GFM2: variants seen among roughly 807,000 people sequenced by gnomAD.
GFM2 encodes GTP dependent ribosome recycling factor mitochondrial 2.
Under a neutral mutation model 95.4 loss-of-function variants are expected in GFM2, and 72 were observed. The observed-to-expected ratio is 0.76, with a 90% CI of 0.62 to 0.92. GFM2 has a LOEUF of 0.92. GFM2 is among the 40% of genes least tolerant of loss of function. The pLI is 0.00. For synonymous variants in GFM2, 276 were observed against 317.5 expected, an observed-to-expected ratio of 0.87 and a Z score of 1.39; for missense variants, 825 against 924.1, an observed-to-expected ratio of 0.89 and a Z score of 1.39.
At position 74,721,487 on chromosome 5, in the gene GFM2, CGGGT is replaced by C; in HGVS notation, c.*164_*167del. On this transcript the variant is annotated 3_prime_UTR_variant, in exon 21 of 21. Coordinates refer to ENST00000296805, the MANE Select transcript of GFM2 (RefSeq NM_032380.5). ...ACATTTCTCATTATATAAATTAAAA[CGGGT>C]GGCTCCAGTGCCACTATCAAAGCTT... 1 of 763,236 alleles carries C rather than the reference CGGGT, an allele frequency of 1.3e-6. No homozygotes were observed. The highest frequency in any genetic ancestry group is 2.2e-6 in the Non-Finnish European group (1 of 450,830). 47.3% of individuals were successfully genotyped at this position (763,236 alleles called of 1,614,324 possible).
In GFM2 at chr5:74,721,724, T is replaced by C. The variant is rs1749892506; in HGVS notation, c.2271A>G (p.Leu757=). Residue 757 remains leucine (L), a synonymous_variant, in exon 21 of 21, where the codon CTA becomes CTG. Coordinates refer to ENST00000296805, the MANE Select transcript of GFM2 (RefSeq NM_032380.5). ...TSGSATFALE[L]STYQAMNPQD... ...GAGGATTCATGGCTTGATAAGTAGA[T>C]AGTTCTAAGGCAAAAGTAGCTGAGC... 2.5e-6 allele frequency: 4 copies of C among 1,613,764 alleles called. No homozygotes were observed. Among genetic ancestry groups the C allele is most frequent in the African/African-American group, 1.3e-5 (1 of 75,040 alleles).
In GFM2 at chr5:74,736,991, A is replaced by T; in HGVS notation, c.1321-6T>A. 4.3e-6 allele frequency: 7 copies of T among 1,612,770 alleles called. No individual in the cohort carries two copies. Among genetic ancestry groups the T allele is most frequent in the Non-Finnish European group, 5.9e-6 (7 of 1,179,492 alleles). ...ATGGTGTCTCCAGTGGCAGTCTGCA[A>T]GCAAACAAGATGACTTGGAACGAAA... On this transcript the variant is annotated splice_polypyrimidine_tract_variant and splice_region_variant and intron_variant, in intron 14 of 20. Coordinates refer to ENST00000296805, the MANE Select transcript of GFM2 (RefSeq NM_032380.5).
Position 74,733,079 on chromosome 5 carries a change from T to C in GFM2, c.1530A>G (p.Lys510=). ...AACTGGGATCTTCACGCTGAAGACATTTCAACGCATGTTCCAAATCTATGG... is the reference window on the plus strand; with the variant it reads ...AACTGGGATCTTCACGCTGAAGACACTTCAACGCATGTTCCAAATCTATGG... The part of the protein sequence containing the change: ...SKQPDLEHAL[K]CLQREDPSLK... The change falls in exon 16 of 21, where the codon AAA becomes AAG. Residue 510 remains lysine, a synonymous_variant. Transcript: ENST00000296805. 6.2e-7 allele frequency: 1 copy of C among 1,611,570 alleles called. No individual in the cohort carries two copies. The highest frequency in any genetic ancestry group is 8.5e-7 in the Non-Finnish European group (1 of 1,177,808).
At chr5:74,747,870 A>G in intron 7 of GFM2, 90 bp from the exon 8 acceptor site, 1 of 691,742 alleles carries the variant, frequency 1.4e-6, no homozygotes, top group East Asian at 2.7e-5. Flanking sequence ...ATCTACTGTC[A>G]GATAAATTGG....
chr5:74,760,833 G>A, intron 3 of GFM2, 69 bp downstream of exon 3: 2 of 1,016,862 alleles, frequency 2.0e-6, no homozygotes, highest in Non-Finnish European at 3.0e-6. Context: ...GGAGATTCTT[G>A]CAAACAAGAG....
intron 7 of GFM2, among the ~76,000 whole-genome samples, chr5:74,748,950 AAAT>A (rs1347581072): frequency 6.7e-6 from 1 of 148,558 alleles, no homozygotes; most frequent in Non-Finnish European, 1.5e-5. Context: ...AAATAAAATA[AAAT>A]AAAATAAAAT....
At chr5:74,722,062 G>A (rs987672288) in intron 20 of GFM2, among the ~76,000 whole-genome samples, 4 of 152,152 alleles carry the variant, frequency 2.6e-5, no homozygotes, top group Admixed American at 6.5e-5. Context: ...AGAGGCTGAC[G>A]GGAGAAGAAT....
intron 10 of GFM2, among the ~76,000 whole-genome samples, chr5:74,743,657 T>C (rs191531421): frequency 2.5e-4 from 38 of 152,334 alleles, no homozygotes; most frequent in Admixed American, 2.2e-3. Context: ...AGCTCTTCTG[T>C]ATTAAAACAA....
At chr5:74,759,458 A>G in intron 3 of GFM2, 32 bp from the exon 4 acceptor site, 1 of 1,163,924 alleles carries the variant, frequency 8.6e-7, no homozygotes, top group Non-Finnish European at 1.3e-6. Flanking sequence ...TTGAACTGTT[A>G]CATTTATGAA....
At chr5:74,765,932 G>A (rs1744564765) in intron 1 of GFM2, among the ~76,000 whole-genome samples, 1 of 152,178 alleles carries the variant, frequency 6.6e-6, no homozygotes, top group African/African-American at 2.4e-5. Context: ...CCGGGAGGCA[G>A]AGGTTGCAGT....
Position 74,749,941 on chromosome 5 carries a change from A to T in GFM2, c.519+638T>A, listed in dbSNP as rs1000941453. Among the ~76,000 whole-genome samples the T allele has an allele frequency of 2.6e-5, 4 of 152,290 alleles. No individual in the cohort carries two copies. In the Middle Eastern group the frequency reaches 0.01, roughly 388 times the overall value. Reference sequence around the variant, plus strand: ...ATAACTTAACACTGTGATCCACTCCAAATTAATTTTTGTGTATGATGAGGT... The same window carrying T: ...ATAACTTAACACTGTGATCCACTCCTAATTAATTTTTGTGTATGATGAGGT... On this transcript the variant is annotated intron_variant, in intron 7 of 20. Transcript: ENST00000296805.
At position 74,722,496 on chromosome 5, in the gene GFM2, TCTAG is replaced by T; in HGVS notation, c.2090_2093del (p.Ala697GlufsTer36). 6.2e-7 allele frequency: 1 copy of T among 1,614,028 alleles called. No individual in the cohort carries two copies. The highest frequency in any genetic ancestry group is 8.5e-7 in the Non-Finnish European group (1 of 1,179,922). On this transcript the variant is annotated frameshift_variant, in exon 20 of 21. Transcript: ENST00000296805. LOFTEE classifies it high-confidence loss of function. ...CTGCCAGGACAGGGCTGAGATAATC[TCTAG>T]CTACTGTAACCTCAAGATTCATCAG... is the stretch of plus-strand genomic sequence containing the variant.
chr5:74,762,765 A>G (rs1744348361), intron 2 of GFM2, among the ~76,000 whole-genome samples: 1 of 152,216 alleles, frequency 6.6e-6, no homozygotes, highest in African/African-American at 2.4e-5. Flanking sequence ...GAGTGTATAC[A>G]ATGTGGATAT....
intron 1 of GFM2, among the ~76,000 whole-genome samples, chr5:74,765,359 C>T (rs1419029325): frequency 1.3e-5 from 2 of 152,134 alleles, no homozygotes; most frequent in African/African-American, 4.8e-5. Flanking sequence ...CTGCCTCTAC[C>T]GTAGTCAGGG....
chr5:74,759,130 A>G (rs1744145889), intron 4 of GFM2, among the ~76,000 whole-genome samples, 184 bp from the exon 5 acceptor site: 1 of 152,202 alleles, frequency 6.6e-6, no homozygotes, highest in African/African-American at 2.4e-5. Flanking sequence ...AAAAGGGCTA[A>G]CTACAACCTA....
At chr5:74,733,865 G>A (rs546267329) in intron 15 of GFM2, among the ~76,000 whole-genome samples, 2 of 152,274 alleles carry the variant, frequency 1.3e-5, no homozygotes, top group African/African-American at 4.8e-5. Context: ...ATAACTCTAT[G>A]ATGAATTATC....
intron 11 of GFM2, 64 bp from the exon 12 acceptor site, chr5:74,740,201 T>C: frequency 7.0e-7 from 1 of 1,426,872 alleles, no homozygotes; most frequent in East Asian, 2.5e-5. Context: ...AAGCTCAAAA[T>C]TAGAGGTTTT....
At chr5:74,738,296 G>C in intron 14 of GFM2, 22 bp downstream of exon 14, 1 of 1,561,394 alleles carries the variant, frequency 6.4e-7, no homozygotes, top group Non-Finnish European at 8.8e-7. Flanking sequence ...TTATTTCCTA[G>C]AGAAATCATT....
chr5:74,734,019 T>C (rs1223578690), intron 15 of GFM2, among the ~76,000 whole-genome samples: 1 of 152,256 alleles, frequency 6.6e-6, no homozygotes, highest in South Asian at 2.1e-4. Flanking sequence ...AGACAAAGTG[T>C]AGCTAAAGAA....
Sources: allele counts gnomAD v4.1 joint callset (sites outside exome capture counted in the v4.1 genomes callset), GRCh38; gene constraint gnomAD v4.1.1; transcripts MANE v1.5; gene names NCBI Gene and HGNC (gene_info 2026-07-23, HGNC 2026-07-21).